Variants in CLASP2 observed in about 807,000 individuals in gnomAD.
The protein encoded by CLASP2 is cytoplasmic linker associated protein 2.
CLASP2 carries 47 observed loss-of-function variants against 194.4 expected under a neutral mutation model. The ratio of observed to expected loss-of-function variants is 0.24; its 90% CI spans 0.19 to 0.31. The LOEUF (loss-of-function observed/expected upper bound fraction) is 0.31, where lower values mean the gene tolerates loss of function less well. Ranked by LOEUF, CLASP2 falls within the 10% of genes least tolerant of loss-of-function variation. CLASP2 has a pLI of 1.00. For synonymous variants in CLASP2, 619 were observed against 633.5 expected (o/e 0.98, Z 0.34); for missense variants, 1,445 against 1,823.6 (o/e 0.79, Z 3.78).
At chr3:33,604,043 C>T (rs574200911) in intron 17 of CLASP2, 111 bp downstream of exon 17, 3 of 761,732 alleles carry the variant, frequency 3.9e-6, no homozygotes, top group Non-Finnish European at 6.7e-6. Flanking sequence ...ATGTGTGGTA[C>T]TGAGTTACCA....
chr3:33,712,936 C>T (rs983546178), intron 1 of CLASP2, among the ~76,000 whole-genome samples: 23 of 144,692 alleles, frequency 1.6e-4, no homozygotes, highest in Middle Eastern at 7.6e-3. Context: ...CCAGCCTGGG[C>T]GACAAGAGCA....
At chr3:33,550,609 AC>A (rs1373207452) in intron 30 of CLASP2, among the ~76,000 whole-genome samples, 1 of 151,938 alleles carries the variant, frequency 6.6e-6, no homozygotes, top group Non-Finnish European at 1.5e-5. Flanking sequence ...TAATAGCCAT[AC>A]ACATGTAGCA....
At chr3:33,585,454 C>T (rs903870851) in intron 21 of CLASP2, among the ~76,000 whole-genome samples, 1 of 152,130 alleles carries the variant, frequency 6.6e-6, no homozygotes, top group African/African-American at 2.4e-5. Context: ...TCCTAGGCTA[C>T]AAATCCTATA....
chr3:33,552,376 C>T (rs892281188), intron 29 of CLASP2, among the ~76,000 whole-genome samples: 13 of 152,212 alleles, frequency 8.5e-5, no homozygotes, highest in South Asian at 6.2e-4. Flanking sequence ...CTCAGTCTCC[C>T]GAAGTGCTGG....
At chr3:33,630,548 T>C (rs1461776854) in intron 9 of CLASP2, among the ~76,000 whole-genome samples, 3 of 118,240 alleles carry the variant, frequency 2.5e-5, no homozygotes, top group African/African-American at 1.2e-4. Context: ...AGCTTTATCT[T>C]TAAAGAGCGT....
At chr3:33,572,984 G>T in intron 25 of CLASP2, 126 bp downstream of exon 25, 18 of 967,074 alleles carry the variant, frequency 1.9e-5, no homozygotes, top group East Asian at 1.1e-4. Flanking sequence ...AAAACACTTT[G>T]AAGCAACCAT....
intron 34 of CLASP2, among the ~76,000 whole-genome samples, chr3:33,529,099 A>G (rs888354875): frequency 6.6e-6 from 1 of 152,214 alleles, no homozygotes; most frequent in Non-Finnish European, 1.5e-5. Flanking sequence ...TAAAATACCT[A>G]GGAATATAGC....
chr3:33,572,631 CAAATATCTGTTCTTAAAG>C (rs2064005436), intron 25 of CLASP2, among the ~76,000 whole-genome samples: 1 of 152,014 alleles, frequency 6.6e-6, no homozygotes, highest in South Asian at 2.1e-4. Flanking sequence ...AAAATATTAA[CAAATATCTGTTCTTAAAG>C]AAATTCAGTC....
At position 33,715,565 on chromosome 3, in the gene CLASP2, T is replaced by C. The variant is rs1034121623; in HGVS notation, c.195+2243A>G. ...TAGAAGAGTAAGTTCCTGATAATAA[T>C]AGGTCATCGATAAATATCCTAATGC... On this transcript the variant is annotated intron_variant, in intron 1 of 38. Coordinates refer to ENST00000682230, the MANE Select transcript of CLASP2 (RefSeq NM_001365631.1). Among the ~76,000 whole-genome samples the C allele has an allele frequency of 3.3e-5, 5 of 152,150 alleles. No individual in the cohort carries two copies. The South Asian group carries it at 6.2e-4, about 19-fold the overall frequency.
chr3:33,528,617 C>G (rs1575918415), intron 34 of CLASP2, among the ~76,000 whole-genome samples: 1 of 152,140 alleles, frequency 6.6e-6, no homozygotes, highest in East Asian at 1.9e-4. Context: ...CAAAAATCAG[C>G]CTGGAGTGGT....
At chr3:33,501,396 C>A (rs552823770) in intron 38 of CLASP2, among the ~76,000 whole-genome samples, 3 of 152,176 alleles carry the variant, frequency 2.0e-5, no homozygotes, top group Admixed American at 2.0e-4. Flanking sequence ...TTATAAATAA[C>A]CAGAAGCTGC....
intron 23 of CLASP2, 132 bp from the exon 24 acceptor site, chr3:33,576,407 G>T: frequency 1.7e-6 from 1 of 592,852 alleles, no homozygotes; most frequent in Non-Finnish European, 3.0e-6. Flanking sequence ...AAGCAATATT[G>T]TATTTTCTGG....
chr3:33,693,223 C>T (rs376778425), intron 2 of CLASP2, among the ~76,000 whole-genome samples: 2 of 152,034 alleles, frequency 1.3e-5, no homozygotes, highest in African/African-American at 4.8e-5. Context: ...AGAGCTCATA[C>T]TCTTTTTGGA....
intron 34 of CLASP2, among the ~76,000 whole-genome samples, chr3:33,533,751 G>T (rs1362755142): frequency 1.3e-5 from 2 of 152,004 alleles, no homozygotes; most frequent in Non-Finnish European, 2.9e-5. Context: ...GTCTCACTCT[G>T]TTGCCCAGGT....
At chr3:33,549,623 T>C (rs1243482571) in intron 30 of CLASP2, among the ~76,000 whole-genome samples, 3 of 152,230 alleles carry the variant, frequency 2.0e-5, no homozygotes, top group African/African-American at 7.2e-5. Context: ...TGAGGTTTCA[T>C]GGCCTAGCGT....
chr3:33,559,168 T>C (rs1205929693), intron 29 of CLASP2, 139 bp downstream of exon 29: 3 of 712,844 alleles, frequency 4.2e-6, no homozygotes, highest in African/African-American at 3.5e-5. Flanking sequence ...AAGTGCTGGC[T>C]TGACTGTCTG....
At chr3:33,585,906 G>A (rs1002561845) in intron 21 of CLASP2, among the ~76,000 whole-genome samples, 1 of 152,144 alleles carries the variant, frequency 6.6e-6, no homozygotes, top group Admixed American at 6.5e-5. Flanking sequence ...AGATTTCTCT[G>A]AATGGTACAG....
At chr3:33,579,882 A>C (rs886846550) in intron 23 of CLASP2, among the ~76,000 whole-genome samples, 3 of 152,172 alleles carry the variant, frequency 2.0e-5, no homozygotes, top group Non-Finnish European at 4.4e-5. Context: ...CCACTCCTGA[A>C]AGTAGGATGA....
chr3:33,630,085 T>C (rs529231011), intron 9 of CLASP2, among the ~76,000 whole-genome samples: 1 of 152,290 alleles, frequency 6.6e-6, no homozygotes, highest in South Asian at 2.1e-4. Flanking sequence ...ACACAGATGA[T>C]ATCAAAATCC....
Sources: allele counts gnomAD v4.1 joint callset (sites outside exome capture counted in the v4.1 genomes callset), GRCh38; gene constraint gnomAD v4.1.1; transcripts MANE v1.5; gene names NCBI Gene and HGNC (gene_info 2026-07-23, HGNC 2026-07-21).